EDIL3: variants seen among roughly 807,000 people sequenced by gnomAD.
EDIL3 encodes EGF-like repeat and discoidin I-like domain-containing protein 3.
A neutral mutation model predicts 67.4 loss-of-function variants in EDIL3; 37 were observed. That is an observed-to-expected ratio of 0.55 (90% CI 0.42 to 0.72). The LOEUF (loss-of-function observed/expected upper bound fraction) is 0.72. Ranked by LOEUF, EDIL3 falls within the 30% of genes least tolerant of loss-of-function variation. EDIL3 has a pLI of 0.00. For missense variants in EDIL3, 527 were observed against 586.3 expected, an observed-to-expected ratio of 0.90 and a Z score of 1.04; for synonymous variants, 195 against 196.3, an observed-to-expected ratio of 0.99 and a Z score of 0.05.
intron 9 of EDIL3, among the ~76,000 whole-genome samples, chr5:84,059,588 T>A (rs1307863080): frequency 6.6e-6 from 1 of 152,206 alleles, no homozygotes; most frequent in Non-Finnish European, 1.5e-5. Flanking sequence ...AACTCATGAA[T>A]ACAGCATAAA....
chr5:84,212,093 A>G (rs1289334636), intron 3 of EDIL3, among the ~76,000 whole-genome samples: 2 of 152,020 alleles, frequency 1.3e-5, no homozygotes, highest in African/African-American at 2.4e-5. Flanking sequence ...GATCCCAAAG[A>G]GCATGATGTT....
intron 3 of EDIL3, among the ~76,000 whole-genome samples, chr5:84,198,364 G>A (rs182857718): frequency 2.0e-5 from 3 of 152,062 alleles, no homozygotes; most frequent in East Asian, 3.9e-4. Context: ...GGATTTGGAA[G>A]TCTGAGATCC....
At chr5:84,334,838 A>G (rs1746953478) in intron 1 of EDIL3, among the ~76,000 whole-genome samples, 1 of 152,172 alleles carries the variant, frequency 6.6e-6, no homozygotes, top group South Asian at 2.1e-4. Context: ...ATAAACATTG[A>G]TGAGCATTTA....
intron 9 of EDIL3, among the ~76,000 whole-genome samples, chr5:84,013,386 A>C (rs1745549458): frequency 6.6e-6 from 1 of 152,160 alleles, no homozygotes; most frequent in Non-Finnish European, 1.5e-5. Context: ...AGTGATTTAT[A>C]GCTAGAAAGA....
intron 2 of EDIL3, among the ~76,000 whole-genome samples, chr5:84,251,344 T>C (rs983946486): frequency 4.5e-4 from 68 of 151,880 alleles, no homozygotes; most frequent in African/African-American, 1.5e-3. Context: ...AACTCCTGAC[T>C]TCGTGATCCG....
intron 6 of EDIL3, among the ~76,000 whole-genome samples, chr5:84,085,784 T>C (rs1347800995): frequency 6.6e-6 from 1 of 152,206 alleles, no homozygotes; most frequent in Non-Finnish European, 1.5e-5. Context: ...CCACTGAAGC[T>C]GTGCCTGCAG....
intron 6 of EDIL3, among the ~76,000 whole-genome samples, chr5:84,090,051 A>G (rs73136214): frequency 1.9e-3 from 296 of 152,328 alleles, no homozygotes; most frequent in African/African-American, 6.9e-3. Flanking sequence ...TGAGGTTGTG[A>G]ATATTTTCAC....
chr5:84,333,090 T>C (rs1213534745), intron 1 of EDIL3, among the ~76,000 whole-genome samples: 1 of 152,168 alleles, frequency 6.6e-6, no homozygotes, highest in East Asian at 1.9e-4. Context: ...AACTCTTAAA[T>C]GCCCACCCTT....
intron 4 of EDIL3, among the ~76,000 whole-genome samples, chr5:84,159,979 G>C (rs192434059): frequency 6.6e-6 from 1 of 152,026 alleles, no homozygotes; most frequent in Admixed American, 6.6e-5. Flanking sequence ...CTCACCGCTT[G>C]TGTTGTTGGC....
At chr5:84,000,805 A>G (rs1018500061) in intron 9 of EDIL3, among the ~76,000 whole-genome samples, 7 of 152,044 alleles carry the variant, frequency 4.6e-5, no homozygotes, top group African/African-American at 1.7e-4. Flanking sequence ...CTAGAAATTA[A>G]TAATAAGATG....
At chr5:84,313,464 G>A (rs559441182) in intron 1 of EDIL3, among the ~76,000 whole-genome samples, 120 of 152,282 alleles carry the variant, frequency 7.9e-4, no homozygotes, top group Admixed American at 1.5e-3. Context: ...AAGAGCAAAC[G>A]TGCAATAATG....
chr5:83,960,581 G>A (rs561065284), intron 10 of EDIL3, among the ~76,000 whole-genome samples: 1 of 151,150 alleles, frequency 6.6e-6, no homozygotes, highest in East Asian at 1.9e-4. Flanking sequence ...AATAATTATA[G>A]TTCCTAAATA....
chr5:83,958,344 A>G (rs2112124537), intron 10 of EDIL3, among the ~76,000 whole-genome samples: 1 of 151,690 alleles, frequency 6.6e-6, no homozygotes, highest in South Asian at 2.1e-4. Flanking sequence ...CCATAATCAG[A>G]CAATTATGGT....
intron 1 of EDIL3, among the ~76,000 whole-genome samples, chr5:84,310,186 C>A (rs944147920): frequency 6.6e-6 from 1 of 152,282 alleles, no homozygotes; most frequent in South Asian, 2.1e-4. Context: ...TCTACACATT[C>A]TTTTAGAAAA....
At chr5:84,358,489 T>G (rs1747532244) in intron 1 of EDIL3, among the ~76,000 whole-genome samples, 1 of 150,656 alleles carries the variant, frequency 6.6e-6, no homozygotes, top group Non-Finnish European at 1.5e-5. Context: ...TTGGAAGGAG[T>G]AAAACATCTC....
chr5:84,024,799 T>C (rs1561406840), intron 9 of EDIL3, among the ~76,000 whole-genome samples: 2 of 95,402 alleles, frequency 2.1e-5, no homozygotes, highest in Admixed American at 1.1e-4. Context: ...ACAACTTCTT[T>C]CTATTTTTTT....
intron 9 of EDIL3, among the ~76,000 whole-genome samples, chr5:84,043,060 T>C (rs530819061): frequency 6.6e-6 from 1 of 152,312 alleles, no homozygotes; most frequent in South Asian, 2.1e-4. Flanking sequence ...GTAGTAGCGA[T>C]GATCCTCTGT....
chr5:84,054,159 C>A (rs2112228273), intron 9 of EDIL3, among the ~76,000 whole-genome samples: 1 of 152,200 alleles, frequency 6.6e-6, no homozygotes, highest in Non-Finnish European at 1.5e-5. Flanking sequence ...TCAACATATG[C>A]AAATCAGTAA....
intron 1 of EDIL3, among the ~76,000 whole-genome samples, chr5:84,318,009 T>C (rs1746550458): frequency 6.6e-6 from 1 of 152,108 alleles, no homozygotes; most frequent in South Asian, 2.1e-4. Context: ...GACATTCCTA[T>C]ACAGCAATAA....
Sources: gnomAD v4.1 joint callset for allele counts (sites outside exome capture counted in the v4.1 genomes callset) on GRCh38, gnomAD v4.1.1 for gene constraint, MANE v1.5 for transcripts, NCBI Gene and HGNC (gene_info 2026-07-23, HGNC 2026-07-21) for gene names.